Variants in CNTLN observed in about 807,000 individuals in gnomAD.
CNTLN encodes centlein.
Under a neutral mutation model 180.0 loss-of-function variants are expected in CNTLN, and 212 were observed. The observed-to-expected ratio is 1.18, with a 90% CI of 1.05 to 1.32. The LOEUF is 1.32. Among genes scored for constraint, CNTLN ranks in the 40% most tolerant of loss-of-function variants. The probability of loss-of-function intolerance (pLI) is 0.00; values close to 1 mark genes in which losing one functional copy is unlikely to be tolerated. For synonymous variants in CNTLN, 722 were observed against 563.1 expected (o/e 1.28, Z -3.99); for missense variants, 2,095 against 1,610.9 (o/e 1.30, Z -5.14).
intron 12 of CNTLN, among the ~76,000 whole-genome samples, chr9:17,365,655 C>G (rs1184896184): frequency 1.3e-5 from 2 of 152,166 alleles, no homozygotes; most frequent in South Asian, 2.1e-4. Context: ...TAGAATATCT[C>G]TGTGTTAGGA....
chr9:17,164,643 C>T (rs1301117663), intron 2 of CNTLN, among the ~76,000 whole-genome samples: 3 of 150,812 alleles, frequency 2.0e-5, no homozygotes, highest in East Asian at 4.0e-4. Context: ...GACAGGGTTT[C>T]ACTATGTTGG....
chr9:17,318,616 T>C (rs912908316), intron 8 of CNTLN, among the ~76,000 whole-genome samples: 26 of 152,218 alleles, frequency 1.7e-4, no homozygotes, highest in African/African-American at 6.0e-4. Context: ...ATGAATTTGC[T>C]ATTTTTTGAG....
At chr9:17,369,144 C>G (rs1445553688) in intron 13 of CNTLN, among the ~76,000 whole-genome samples, 1 of 152,102 alleles carries the variant, frequency 6.6e-6, no homozygotes, top group Non-Finnish European at 1.5e-5. Flanking sequence ...CCATGCTGCT[C>G]TCATGATAGT....
intron 2 of CNTLN, among the ~76,000 whole-genome samples, chr9:17,191,244 T>A (rs936393168): frequency 6.6e-5 from 10 of 152,248 alleles, no homozygotes; most frequent in African/African-American, 2.2e-4. Context: ...TTTATGTTGC[T>A]TTTTGCTCTG....
intron 5 of CNTLN, among the ~76,000 whole-genome samples, chr9:17,265,296 A>G (rs942372617): frequency 3.3e-5 from 5 of 152,218 alleles, no homozygotes; most frequent in East Asian, 1.9e-4. Flanking sequence ...CTTTTGAGAT[A>G]ATCATGTGGT....
chr9:17,359,725 C>CCAA (rs1823160860), intron 12 of CNTLN, among the ~76,000 whole-genome samples: 1 of 21,338 alleles, frequency 4.7e-5, no homozygotes, highest in African/African-American at 1.2e-4. Flanking sequence ...ACTAAAAATA[C>CCAA]AAAAAAAAAA....
intron 5 of CNTLN, among the ~76,000 whole-genome samples, chr9:17,243,361 G>A (rs1462184131): frequency 6.6e-6 from 1 of 151,674 alleles, no homozygotes. Flanking sequence ...TTCTAATTTT[G>A]CATTTTGTTT....
chr9:17,463,117 C>G lies in CNTLN; in HGVS notation c.3404+104C>G, dbSNP rs910276876. The G allele has an allele frequency of 2.2e-5, 14 of 637,404 alleles. No individual in the cohort carries two copies. The Admixed American group carries it at 4.6e-4, about 21-fold the overall frequency. The allele number at this position is 637,404 out of a possible 1,614,324, so 39.5% of individuals were successfully genotyped here. On this transcript the variant is annotated intron_variant, in intron 20 of 25. Transcript: ENST00000380647. ...CTGCTAATGTTTACGTTTTCCTTCCCTAGTTCATATTTAAACCTACCTAAG... is the reference window on the plus strand; with the variant it reads ...CTGCTAATGTTTACGTTTTCCTTCCGTAGTTCATATTTAAACCTACCTAAG...
chr9:17,241,233 T>G (rs1825471232), intron 5 of CNTLN, among the ~76,000 whole-genome samples: 1 of 152,204 alleles, frequency 6.6e-6, no homozygotes. Context: ...ATTTGAATTT[T>G]GTACATGGCA....
intron 6 of CNTLN, among the ~76,000 whole-genome samples, chr9:17,294,939 G>T (rs2132742088): frequency 6.9e-6 from 1 of 145,164 alleles, no homozygotes; most frequent in South Asian, 2.3e-4. Context: ...GGCGGGGGAG[G>T]CTCAGGCATG....
At chr9:17,338,496 A>G (rs910612916) in intron 10 of CNTLN, among the ~76,000 whole-genome samples, 2 of 151,532 alleles carry the variant, frequency 1.3e-5, no homozygotes, top group Non-Finnish European at 2.9e-5. Flanking sequence ...TAATTAAATT[A>G]TTAATAAATT....
At chr9:17,244,626 T>G (rs1825696203) in intron 5 of CNTLN, among the ~76,000 whole-genome samples, 1 of 152,148 alleles carries the variant, frequency 6.6e-6, no homozygotes, top group African/African-American at 2.4e-5. Flanking sequence ...AGTGTTTGTT[T>G]CATTTACCTG....
chr9:17,428,355 C>T (rs575113642), intron 18 of CNTLN, among the ~76,000 whole-genome samples: 2 of 152,160 alleles, frequency 1.3e-5, no homozygotes, highest in Non-Finnish European at 2.9e-5. Flanking sequence ...AGGGCATCTT[C>T]TAAGCACTTT....
intron 18 of CNTLN, among the ~76,000 whole-genome samples, chr9:17,449,577 A>C (rs886692152): frequency 6.6e-6 from 1 of 152,200 alleles, no homozygotes; most frequent in Non-Finnish European, 1.5e-5. Context: ...CCAACAGTCA[A>C]ACTCTTTTTT....
intron 5 of CNTLN, among the ~76,000 whole-genome samples, chr9:17,262,031 T>C (rs1045297715): frequency 9.9e-5 from 15 of 151,524 alleles, no homozygotes; most frequent in Non-Finnish European, 2.1e-4. Flanking sequence ...TGAGATACCA[T>C]CTCACGCCAG....
chr9:17,374,369 A>G (rs865949896), intron 13 of CNTLN, among the ~76,000 whole-genome samples: 14 of 152,220 alleles, frequency 9.2e-5, no homozygotes, highest in Admixed American at 7.2e-4. Context: ...GAAAATGCTC[A>G]ACATTATTGA....
At position 17,213,361 on chromosome 9, in the gene CNTLN, C is replaced by A. The variant is rs148884380; in HGVS notation, c.450-12842C>A. Among the ~76,000 whole-genome samples, 3 of 152,188 alleles carry A rather than the reference C, an allele frequency of 2.0e-5. No individual in the cohort carries two copies. The South Asian group carries it at 6.2e-4, about 32-fold the overall frequency. On this transcript the variant is annotated intron_variant, in intron 2 of 25. Transcript: ENST00000380647. Reference sequence around the variant, plus strand: ...GTTGTTCAGTTTCCATGTAGTTGACCGGTTTTGAGTGAGTTTCTTAATCCT... The same window carrying A: ...GTTGTTCAGTTTCCATGTAGTTGACAGGTTTTGAGTGAGTTTCTTAATCCT...
chr9:17,282,155 G>A (rs544816253), intron 6 of CNTLN, among the ~76,000 whole-genome samples: 21 of 152,140 alleles, frequency 1.4e-4, no homozygotes, highest in Middle Eastern at 6.8e-3. Flanking sequence ...TAGAGATAGG[G>A]TTTCACCATG....
chr9:17,172,585 A>G (rs978197441), intron 2 of CNTLN, among the ~76,000 whole-genome samples: 4 of 152,144 alleles, frequency 2.6e-5, no homozygotes, highest in Non-Finnish European at 5.9e-5. Context: ...ATCTTGCTGT[A>G]TACTGCCTTT....
Sources: gnomAD v4.1 joint callset for allele counts (sites outside exome capture counted in the v4.1 genomes callset) on GRCh38, gnomAD v4.1.1 for gene constraint, MANE v1.5 for transcripts, NCBI Gene and HGNC (gene_info 2026-07-23, HGNC 2026-07-21) for gene names.